The following CSMD3 variants were observed in gnomAD, a reference collection of about 807,000 sequenced individuals.
CSMD3 encodes the protein CUB and Sushi multiple domains 3, also known as CUB and sushi domain-containing protein 3.
A neutral mutation model predicts 435.2 loss-of-function variants in CSMD3; 177 were observed. The observed-to-expected ratio is 0.41, with a 90% CI of 0.36 to 0.46. CSMD3 has a LOEUF of 0.46. Among genes scored for constraint, CSMD3 ranks in the 20% least tolerant of loss-of-function variants. The pLI is 0.34. For synonymous variants in CSMD3, 1,656 were observed against 1,520.5 expected (o/e 1.09, Z -2.07); for missense variants, 4,265 against 4,504.6 (o/e 0.95, Z 1.52).
chr8:113,392,441 C>G (rs1226680072), intron 1 of CSMD3, among the ~76,000 whole-genome samples: 1 of 152,056 alleles, frequency 6.6e-6, no homozygotes, highest in Non-Finnish European at 1.5e-5. Context: ...GGAGTTCTCT[C>G]TGATACCACA....
At chr8:113,298,003 T>G (rs1299155144) in intron 2 of CSMD3, among the ~76,000 whole-genome samples, 1 of 152,138 alleles carries the variant, frequency 6.6e-6, no homozygotes, top group Non-Finnish European at 1.5e-5. Context: ...CTGGATATAT[T>G]TAATCAACAG....
intron 10 of CSMD3, among the ~76,000 whole-genome samples, chr8:112,866,571 G>T (rs916795672): frequency 1.3e-5 from 2 of 152,090 alleles, no homozygotes; most frequent in Admixed American, 1.3e-4. Flanking sequence ...TGTATTTGCG[G>T]CATTTCCCTT....
intron 35 of CSMD3, among the ~76,000 whole-genome samples, chr8:112,404,709 T>A (rs1831619708): frequency 6.6e-6 from 1 of 152,036 alleles, no homozygotes; most frequent in Non-Finnish European, 1.5e-5. Flanking sequence ...GAATGGCAAA[T>A]ATAATTTATT....
intron 3 of CSMD3, among the ~76,000 whole-genome samples, chr8:113,251,050 C>T (rs1410377691): frequency 1.3e-5 from 2 of 151,910 alleles, no homozygotes; most frequent in African/African-American, 2.4e-5. Context: ...AAATACAGAG[C>T]TTTTACATAC....
chr8:112,224,693 T>G lies in CSMD3; in HGVS notation c.*78A>C. On this transcript the variant is annotated 3_prime_UTR_variant, in exon 71 of 71. Coordinates refer to ENST00000297405, the MANE Select transcript of CSMD3 (RefSeq NM_198123.2). ...GCAAGTCCTGAAAAGTGTGCTTTAATTTGTTTAGCAGTGAACTAAATGTGC... is the reference window on the plus strand; with the variant it reads ...GCAAGTCCTGAAAAGTGTGCTTTAAGTTGTTTAGCAGTGAACTAAATGTGC... 2.1e-6 allele frequency: 3 copies of G among 1,432,396 alleles called. No individual in the cohort carries two copies. Among genetic ancestry groups the G allele is most frequent in the African/African-American group, 1.4e-5 (1 of 71,404 alleles). The allele number at this position is 1,432,396 out of a possible 1,614,324, so 88.7% of individuals were successfully genotyped here.
At chr8:112,755,715 A>C (rs2077682862) in intron 13 of CSMD3, among the ~76,000 whole-genome samples, 1 of 151,160 alleles carries the variant, frequency 6.6e-6, no homozygotes, top group Non-Finnish European at 1.5e-5. Flanking sequence ...TGACAAGGAT[A>C]ACCACAACCA....
chr8:112,291,313 A>G (rs1177631570), intron 56 of CSMD3, among the ~76,000 whole-genome samples, 197 bp downstream of exon 56: 7 of 152,016 alleles, frequency 4.6e-5, no homozygotes, highest in Non-Finnish European at 1.0e-4. Flanking sequence ...ATAAATATTT[A>G]TCACATTAAT....
intron 32 of CSMD3, among the ~76,000 whole-genome samples, chr8:112,455,965 A>T (rs1329265655): frequency 1.3e-5 from 2 of 152,046 alleles, no homozygotes; most frequent in East Asian, 3.9e-4. Flanking sequence ...ACACAGCAAA[A>T]TTTTTTATTT....
intron 35 of CSMD3, among the ~76,000 whole-genome samples, chr8:112,403,063 G>A (rs576739585): frequency 1.1e-4 from 16 of 152,226 alleles, no homozygotes; most frequent in South Asian, 1.0e-3. Context: ...CAAGATAGGC[G>A]GAACATTAAG....
chr8:112,783,912 T>C (rs1255573213), intron 13 of CSMD3, among the ~76,000 whole-genome samples: 1 of 151,862 alleles, frequency 6.6e-6, no homozygotes, highest in Non-Finnish European at 1.5e-5. Context: ...TATACATATA[T>C]ATGTACTCAA....
intron 9 of CSMD3, among the ~76,000 whole-genome samples, chr8:112,930,147 T>C (rs907836446): frequency 1.3e-5 from 2 of 152,182 alleles, no homozygotes; most frequent in African/African-American, 2.4e-5. Context: ...GAAGTTCACA[T>C]GTAGGCATAT....
intron 11 of CSMD3, among the ~76,000 whole-genome samples, chr8:112,848,709 C>A (rs563946861): frequency 6.6e-6 from 1 of 151,874 alleles, no homozygotes; most frequent in Non-Finnish European, 1.5e-5. Context: ...GGATGATTAC[C>A]CCTAATTTAA....
chr8:113,177,349 C>A (rs2092361811), intron 3 of CSMD3, among the ~76,000 whole-genome samples: 1 of 151,904 alleles, frequency 6.6e-6, no homozygotes, highest in Non-Finnish European at 1.5e-5. Context: ...GATGTACATG[C>A]AAGCTAGACA....
At chr8:113,391,953 T>G (rs1030168512) in intron 1 of CSMD3, among the ~76,000 whole-genome samples, 4 of 152,082 alleles carry the variant, frequency 2.6e-5, no homozygotes, top group Non-Finnish European at 4.4e-5. Flanking sequence ...AAAGCTAGTC[T>G]ACATGCATTA....
chr8:112,379,480 C>T (rs532371276), intron 38 of CSMD3, among the ~76,000 whole-genome samples: 2 of 150,866 alleles, frequency 1.3e-5, no homozygotes, highest in African/African-American at 2.5e-5. Context: ...AAACAAAAAC[C>T]AAAAAACCTG....
At chr8:112,650,723 A>T (rs2075103517) in intron 18 of CSMD3, among the ~76,000 whole-genome samples, 1 of 152,216 alleles carries the variant, frequency 6.6e-6, no homozygotes, top group Non-Finnish European at 1.5e-5. Flanking sequence ...TCATTTAATT[A>T]CTAAAGGAAA....
At chr8:112,532,043 A>T (rs1046175114) in intron 27 of CSMD3, among the ~76,000 whole-genome samples, 7 of 151,730 alleles carry the variant, frequency 4.6e-5, no homozygotes, top group South Asian at 4.1e-4. Context: ...TTAAAAAATC[A>T]AACAGAAACC....
chr8:112,750,609 T>C (rs1282612930), intron 13 of CSMD3, among the ~76,000 whole-genome samples: 1 of 151,932 alleles, frequency 6.6e-6, no homozygotes, highest in East Asian at 1.9e-4. Context: ...AAGTATAAAC[T>C]CTTACAGCAG....
intron 4 of CSMD3, among the ~76,000 whole-genome samples, chr8:113,134,235 T>C (rs1264157169): frequency 6.6e-6 from 1 of 152,118 alleles, no homozygotes; most frequent in Non-Finnish European, 1.5e-5. Context: ...TTTGTCACTT[T>C]CCTATATTAC....
Sources: allele counts gnomAD v4.1 joint callset (sites outside exome capture counted in the v4.1 genomes callset), GRCh38; gene constraint gnomAD v4.1.1; transcripts MANE v1.5; gene names NCBI Gene and HGNC (gene_info 2026-07-23, HGNC 2026-07-21).